FOCAD: variants seen among roughly 807,000 people sequenced by gnomAD.
FOCAD encodes the protein KIAA1797.
In FOCAD, 198 loss-of-function variants were observed where a neutral mutation model predicts 225.6. That is an observed-to-expected ratio of 0.88 (90% CI 0.78 to 0.99). The LOEUF is 0.99. Among genes scored for constraint, FOCAD ranks in the 50% least tolerant of loss-of-function variants. The pLI, the probability that FOCAD is intolerant of heterozygous loss-of-function variation, is 0.00. For synonymous variants in FOCAD, 897 were observed against 755.0 expected, an observed-to-expected ratio of 1.19 and a Z score of -3.08; for missense variants, 2,713 against 2,123.6, an observed-to-expected ratio of 1.28 and a Z score of -5.46.
Position 20,926,316 on chromosome 9 carries a change from C to T in FOCAD, c.2977C>T (p.Leu993Phe), listed in dbSNP as rs1254976661. 5 of 1,608,590 alleles carry T rather than the reference C, an allele frequency of 3.1e-6. No homozygotes were observed. The highest frequency in any genetic ancestry group is 2.2e-5 in the East Asian group (1 of 44,838). ...TCATCTGCAGGTTCAACCTAATTTC[C>T]TTTCAATGAAAGAGTGGGTTTCCAT... is the stretch of plus-strand genomic sequence containing the variant. ...DGLLEVQPNF[L>F]SMKEWVSMVL... is the part of the protein sequence containing the mutation. The change falls in exon 26 of 44, where the codon CTT becomes TTT. Residue 993 changes from leucine to phenylalanine, a missense_variant. Coordinates refer to ENST00000338382, the MANE Select transcript of FOCAD (RefSeq NM_001375567.1).
intron 24 of FOCAD, among the ~76,000 whole-genome samples, chr9:20,919,652 A>G (rs1412046318): frequency 6.6e-6 from 1 of 152,174 alleles, no homozygotes; most frequent in Non-Finnish European, 1.5e-5. Context: ...CTCAGAAATA[A>G]CACCGCATAT....
chr9:20,895,730 G>C (rs537288942), intron 21 of FOCAD, among the ~76,000 whole-genome samples: 2 of 151,638 alleles, frequency 1.3e-5, no homozygotes, highest in East Asian at 3.9e-4. Flanking sequence ...CTTGTATCTT[G>C]CAATTTTGCT....
At position 20,916,913 on chromosome 9, in the gene FOCAD, A is replaced by G. The variant is rs1833921362; in HGVS notation, c.2828A>G (p.Asp943Gly). The G allele has an allele frequency of 6.2e-7, 1 of 1,605,830 alleles. No individual in the cohort carries two copies. Among genetic ancestry groups the G allele is most frequent in the Admixed American group, 1.7e-5 (1 of 58,264 alleles). The change falls in exon 24 of 44, where the codon GAT becomes GGT. Residue 943 changes from aspartate (D) to glycine (G), a missense_variant. Asp to Gly is a moderately conservative substitution (Grantham distance 94, BLOSUM62 -1). Transcript: ENST00000338382. ...TGCAGGGTTAGAGACATGCTGACTG[A>G]TGAGATCACCAAGGCAGCTGCAAAG... ...AWLWVRDMLTDEITKAAAKES... is the reference protein window; with the variant it reads ...AWLWVRDMLTGEITKAAAKES...
Position 20,846,030 on chromosome 9 carries a change from C to T in FOCAD, c.1921-16548C>T, listed in dbSNP as rs950222914. Reference sequence around the variant, plus strand: ...TTTACTTTCTATTAGTATGGACTTGCGGAGTTGCAAGGAGGAGTGCTCAGA... The same window carrying T: ...TTTACTTTCTATTAGTATGGACTTGTGGAGTTGCAAGGAGGAGTGCTCAGA... On this transcript the variant is annotated intron_variant, in intron 15 of 43. Transcript: ENST00000338382. Among the ~76,000 whole-genome samples the T allele has an allele frequency of 4.6e-5, 7 of 152,002 alleles. 1 individual carries two copies. In the South Asian group the frequency reaches 1.0e-3, roughly 23 times the overall value.
chr9:20,771,517 G>C (rs1254726670), intron 8 of FOCAD, among the ~76,000 whole-genome samples: 1 of 152,106 alleles, frequency 6.6e-6, no homozygotes, highest in Non-Finnish European at 1.5e-5. Context: ...CCAGCACTTT[G>C]GGAGGCCGAG....
intron 1 of FOCAD, among the ~76,000 whole-genome samples, chr9:20,693,716 T>G (rs1823122309): frequency 6.6e-6 from 1 of 152,110 alleles, no homozygotes; most frequent in African/African-American, 2.4e-5. Context: ...ATTTATTTAT[T>G]TATTTATTTA....
At chr9:20,675,702 A>T (rs1488804548) in intron 2 of FOCAD, among the ~76,000 whole-genome samples, 4 of 152,262 alleles carry the variant, frequency 2.6e-5, no homozygotes, top group African/African-American at 9.6e-5. Flanking sequence ...TGATCACAGC[A>T]GCTGAAAAAA....
In FOCAD at chr9:20,948,278, GT is replaced by G; in HGVS notation, c.3687del (p.Phe1229LeufsTer5). On this transcript the variant is annotated frameshift_variant, in exon 31 of 44. Transcript: ENST00000338382. LOFTEE classifies it high-confidence loss of function. Reference protein sequence around the residue: ...LLVENSQQTSGFALALGNIVH... With the variant: ...LLVENSQQTSXFALALGNIVH... ...TTTATTTATTTATATCAGACTTCAG[GT>G]TTTGCCCTGGCTTTAGGAAACATAG... The G allele has an allele frequency of 6.2e-7, 1 of 1,605,384 alleles. No individual in the cohort carries two copies. The highest frequency in any genetic ancestry group is 1.1e-5 in the South Asian group (1 of 89,628).
At chr9:20,718,066 AC>A (rs1383650226) in intron 3 of FOCAD, among the ~76,000 whole-genome samples, 198 bp downstream of exon 3, 2 of 152,050 alleles carry the variant, frequency 1.3e-5, no homozygotes, top group African/African-American at 4.8e-5. Context: ...ATTTATTAAA[AC>A]CCTCTAGGAA....
intron 5 of FOCAD, among the ~76,000 whole-genome samples, chr9:20,754,451 T>G: frequency 6.6e-6 from 1 of 152,178 alleles, no homozygotes; most frequent in South Asian, 2.1e-4. Context: ...GTGCATCCAG[T>G]TTGATAACTA....
chr9:20,778,586 T>C lies in FOCAD; in HGVS notation c.907-95T>C, dbSNP rs149777153. The C allele has an allele frequency of 3.9e-3, 2,616 of 664,318 alleles. 83 individuals carry two copies. The East Asian group carries it at 0.058, about 15-fold the overall frequency. 41.2% of individuals were successfully genotyped at this position (664,318 alleles called of 1,614,324 possible). A position where few individuals can be genotyped will look rare whatever the true frequency, so the allele number is the denominator to read the frequency against. The stretch of plus-strand genomic sequence containing the variant: ...AAATTTGTGTAATAGGCTTGCAGTC[T>C]TTCATATTAAATATATTCTTCCTGG... On this transcript the variant is annotated intron_variant, in intron 8 of 43. Transcript: ENST00000338382.
chr9:20,904,633 G>A (rs1458670492), intron 21 of FOCAD, among the ~76,000 whole-genome samples: 1 of 151,940 alleles, frequency 6.6e-6, no homozygotes, highest in Non-Finnish European at 1.5e-5. Flanking sequence ...TAAGCCATAG[G>A]ACTGTTCATC....
intron 2 of FOCAD, among the ~76,000 whole-genome samples, chr9:20,678,605 T>C (rs1296420879): frequency 6.6e-6 from 1 of 152,200 alleles, no homozygotes; most frequent in African/African-American, 2.4e-5. Flanking sequence ...GAGGCCGACC[T>C]ATAACTGCAG....
Position 20,981,549 on chromosome 9 carries a change from G to C in FOCAD, c.4501G>C (p.Gly1501Arg), listed in dbSNP as rs1840700101. 1.9e-6 allele frequency: 3 copies of C among 1,614,068 alleles called. No individual in the cohort carries two copies. The highest frequency in any genetic ancestry group is 2.5e-6 in the Non-Finnish European group (3 of 1,179,982). Reference sequence around the variant, plus strand: ...AGTTTTTAAAGCAGCTTCCCCACTTGGAAGTCCTGAGCTATGCCCAAGTGC... The same window carrying C: ...AGTTTTTAAAGCAGCTTCCCCACTTCGAAGTCCTGAGCTATGCCCAAGTGC... ...VAVFKAASPL[G>R]SPELCPSALH... The change falls in exon 38 of 44, where the codon GGA (glycine) becomes CGA (arginine). Residue 1501 changes from glycine (G) to arginine (R), a missense_variant. Gly to Arg is a moderately radical substitution (Grantham distance 125). Transcript: ENST00000338382.
intron 21 of FOCAD, among the ~76,000 whole-genome samples, chr9:20,886,092 C>T (rs1159500235): frequency 6.6e-6 from 1 of 152,142 alleles, no homozygotes; most frequent in Admixed American, 6.5e-5. Context: ...ACACCAATTG[C>T]CACCAGTTTC....
chr9:20,948,740 A>G (rs148181340), intron 31 of FOCAD, 111 bp from the exon 32 acceptor site: 73 of 1,154,316 alleles, frequency 6.3e-5, no homozygotes, highest in African/African-American at 1.2e-4. Context: ...CGTTGACCCT[A>G]TAAGTTTGGT....
At chr9:20,881,806 A>T (rs1233347205) in intron 19 of FOCAD, 65 bp from the exon 20 acceptor site, 1 of 1,515,300 alleles carries the variant, frequency 6.6e-7, no homozygotes, top group African/African-American at 1.4e-5. Flanking sequence ...TGAGTTAAGA[A>T]CGCATGTTTC....
intron 15 of FOCAD, 101 bp from the exon 16 acceptor site, chr9:20,862,477 G>T (rs921573438): frequency 1.4e-5 from 19 of 1,322,510 alleles, no homozygotes; most frequent in Admixed American, 4.8e-5. Context: ...AGTCTTATTT[G>T]TTTCTTAAGT....
intron 39 of FOCAD, among the ~76,000 whole-genome samples, chr9:20,983,691 A>T (rs1159616628): frequency 6.6e-6 from 1 of 152,128 alleles, no homozygotes; most frequent in African/African-American, 2.4e-5. Flanking sequence ...TCACTGCTTC[A>T]GTTTGAAATC....
Sources: gnomAD v4.1 joint callset for allele counts (sites outside exome capture counted in the v4.1 genomes callset) on GRCh38, gnomAD v4.1.1 for gene constraint, MANE v1.5 for transcripts, NCBI Gene and HGNC (gene_info 2026-07-23, HGNC 2026-07-21) for gene names.